Variants in CCDC33 observed in about 807,000 individuals in gnomAD.
CCDC33 encodes the protein coiled-coil domain-containing protein 33.
A neutral mutation model predicts 91.9 loss-of-function variants in CCDC33; 94 were observed. The ratio of observed to expected loss-of-function variants is 1.02; its 90% confidence interval spans 0.87 to 1.21. The LOEUF is 1.21. Among genes scored for constraint, CCDC33 ranks in the 50% most tolerant of loss-of-function variants. CCDC33 has a pLI of 0.00. For missense variants in CCDC33, 940 were observed against 935.5 expected, an observed-to-expected ratio of 1.00 and a Z score of -0.06; for synonymous variants, 396 against 374.5, an observed-to-expected ratio of 1.06 and a Z score of -0.66.
chr15:74,236,501 C>G lies in CCDC33; in HGVS notation c.-219C>G. On this transcript the variant is annotated 5_prime_UTR_variant, in exon 1 of 19. Coordinates refer to ENST00000398814, the MANE Select transcript of CCDC33 (RefSeq NM_025055.5). ...GCTGCTGAGAGATCCAGGACCTGCT[C>G]CCACCTGGCCACCCTCCCCCTCCCC... 1.1e-5 allele frequency: 5 copies of G among 457,824 alleles called. No homozygotes were observed. Among genetic ancestry groups the G allele is most frequent in the East Asian group, 7.2e-5 (2 of 27,642 alleles). 28.4% of individuals were successfully genotyped at this position (457,824 alleles called of 1,614,324 possible).
intron 11 of CCDC33, among the ~76,000 whole-genome samples, chr15:74,318,342 C>T (rs1484096860): frequency 1.3e-5 from 2 of 152,046 alleles, no homozygotes; most frequent in Non-Finnish European, 1.5e-5. Flanking sequence ...GTCAGAAGGC[C>T]GGAGCCCTGA....
At chr15:74,226,928 C>T (rs1008126428) in intron 2 of CCDC33, among the ~76,000 whole-genome samples, 4 of 151,840 alleles carry the variant, frequency 2.6e-5, no homozygotes, top group Non-Finnish European at 4.4e-5. Context: ...AGAGCTGGTT[C>T]GTAGGATGGA....
At chr15:74,214,982 A>G (rs577377955), upstream of CCDC33, among the ~76,000 whole-genome samples, 3 of 152,208 alleles carry the variant, frequency 2.0e-5, no homozygotes, top group Non-Finnish European at 1.5e-5. Context: ...GCACACAAAC[A>G]TGATTCCTGA....
rs1339318176 is a variant in CCDC33, at chr15:74,330,064, T to C, written c.1291-125T>C. 3.5e-6 allele frequency: 4 copies of C among 1,133,190 alleles called. No homozygotes were observed. In the South Asian group the frequency reaches 5.2e-5, roughly 15 times the overall value. 70.2% of individuals were successfully genotyped at this position (1,133,190 alleles called of 1,614,324 possible). A position where few individuals can be genotyped will look rare whatever the true frequency, so the allele number is the denominator to read the frequency against. On this transcript the variant is annotated intron_variant, in intron 11 of 18. Transcript: ENST00000398814. ...AGGGAGCTGCTAAGACTTAGGGCCA[T>C]GGCTTGGGGCTCCTGGTGCTCACTG...
chr15:74,220,227 G>A (rs1167124858), intron 2 of CCDC33, among the ~76,000 whole-genome samples: 1 of 152,156 alleles, frequency 6.6e-6, no homozygotes, highest in Non-Finnish European at 1.5e-5. Flanking sequence ...GGGACCCAGG[G>A]ACCAGCTTCT....
At chr15:74,329,998 A>G (rs1192414463) in intron 11 of CCDC33, among the ~76,000 whole-genome samples, 191 bp from the exon 12 acceptor site, 1 of 152,132 alleles carries the variant, frequency 6.6e-6, no homozygotes, top group East Asian at 1.9e-4. Context: ...CTGCCCTCAC[A>G]TGGCCAGGAT....
chr15:74,294,884 G>A (rs1307547259), intron 10 of CCDC33, among the ~76,000 whole-genome samples: 12 of 152,196 alleles, frequency 7.9e-5, no homozygotes, highest in Admixed American at 1.3e-4. Flanking sequence ...TCATCCTTGG[G>A]CGGTGGGGGT....
chr15:74,248,140 C>T (rs1456741061), intron 2 of CCDC33, among the ~76,000 whole-genome samples: 1 of 151,990 alleles, frequency 6.6e-6, no homozygotes, highest in Non-Finnish European at 1.5e-5. Flanking sequence ...AGTGTTTTCA[C>T]CACATACACG....
chr15:74,334,020 A>G lies in CCDC33; in HGVS notation c.2025+53A>G. Reference sequence around the variant, plus strand: ...CTGGATCAGGCTCACCACACAGCCTATAACCAGGGCTCAGTGTGTGAGCAG... The same window carrying G: ...CTGGATCAGGCTCACCACACAGCCTGTAACCAGGGCTCAGTGTGTGAGCAG... On this transcript the variant is annotated intron_variant, in intron 17 of 18. Transcript: ENST00000398814. 3 of 1,463,238 alleles carry G rather than the reference A, an allele frequency of 2.1e-6. No individual in the cohort carries two copies. In the South Asian group the frequency reaches 3.5e-5, roughly 17 times the overall value. 90.6% of individuals were successfully genotyped at this position (1,463,238 alleles called of 1,614,324 possible).
chr15:74,252,453 C>T (rs2142318963), intron 2 of CCDC33, among the ~76,000 whole-genome samples: 1 of 152,352 alleles, frequency 6.6e-6, no homozygotes, highest in East Asian at 1.9e-4. Flanking sequence ...AGGAATAAGG[C>T]AGCCCTCACT....
chr15:74,266,140 G>A (rs556583228), intron 3 of CCDC33, among the ~76,000 whole-genome samples: 1 of 152,188 alleles, frequency 6.6e-6, no homozygotes, highest in Non-Finnish European at 1.5e-5. Flanking sequence ...TCCCTTACTT[G>A]TAGTAGACTT....
At chr15:74,243,004 G>A (rs1166717450) in intron 1 of CCDC33, among the ~76,000 whole-genome samples, 4 of 152,142 alleles carry the variant, frequency 2.6e-5, no homozygotes, top group Non-Finnish European at 4.4e-5. Context: ...TTCCCTGACC[G>A]CCTCAGCCGG....
upstream of CCDC33, among the ~76,000 whole-genome samples, chr15:74,216,552 C>T (rs60235278): frequency 0.99 from 37,328 of 37,890 alleles, 18,409 homozygotes; most frequent in South Asian, 1. Context: ...TTTTTTTTTT[C>T]CCGAGATGGA....
At chr15:74,277,217 G>A (rs1381139589) in intron 7 of CCDC33, among the ~76,000 whole-genome samples, 1 of 152,246 alleles carries the variant, frequency 6.6e-6, no homozygotes, top group African/African-American at 2.4e-5. Flanking sequence ...AGGTCCCAAA[G>A]AGGAGAAGGG....
At chr15:74,264,841 G>A (rs770545588) in intron 3 of CCDC33, among the ~76,000 whole-genome samples, 1 of 152,206 alleles carries the variant, frequency 6.6e-6, no homozygotes, top group Non-Finnish European at 1.5e-5. Context: ...TTGACATTTT[G>A]AAGAGCAGAA....
At chr15:74,215,755 G>A (rs958481919), upstream of CCDC33, among the ~76,000 whole-genome samples, 5 of 151,744 alleles carry the variant, frequency 3.3e-5, no homozygotes, top group Non-Finnish European at 5.9e-5. Flanking sequence ...CTGTAATCCC[G>A]GCTACTGAAG....
At chr15:74,287,179 C>T (rs183206831) in intron 10 of CCDC33, among the ~76,000 whole-genome samples, 1 of 152,236 alleles carries the variant, frequency 6.6e-6, no homozygotes. Context: ...CCAAGCACAG[C>T]GGCCTGAATG....
chr15:74,245,857 G>A (rs1391009210), intron 2 of CCDC33, among the ~76,000 whole-genome samples: 1 of 152,220 alleles, frequency 6.6e-6, no homozygotes, highest in African/African-American at 2.4e-5. Flanking sequence ...TGCGTCCCAG[G>A]GCTCCAGACA....
At chr15:74,209,095 G>T in intron 1 of CCDC33, 1 of 1,287,862 alleles carries the variant, frequency 7.8e-7, no homozygotes. Context: ...TGCCCTCACA[G>T]ACCTCCCGCC....
Sources: allele counts gnomAD v4.1 joint callset (sites outside exome capture counted in the v4.1 genomes callset), GRCh38; gene constraint gnomAD v4.1.1; transcripts MANE v1.5; gene names NCBI Gene and HGNC (gene_info 2026-07-23, HGNC 2026-07-21).